Variants in COG2 observed in about 807,000 individuals in gnomAD.
COG2 encodes component of oligomeric golgi complex 2, also known as conserved oligomeric Golgi complex subunit 2.
COG2 carries 52 observed loss-of-function variants against 90.6 expected under a neutral mutation model. The observed-to-expected ratio is 0.57, with a 90% confidence interval of 0.46 to 0.72. COG2 has a LOEUF of 0.72. COG2 is among the 30% of genes least tolerant of loss of function. The pLI is 0.00. For missense variants in COG2, 829 were observed against 891.2 expected (o/e 0.93, Z 0.89); for synonymous variants, 337 against 320.4 (o/e 1.05, Z -0.55).
At chr1:230,653,330 C>T (rs1271464889) in intron 1 of COG2, among the ~76,000 whole-genome samples, 1 of 151,560 alleles carries the variant, frequency 6.6e-6, no homozygotes, top group Non-Finnish European at 1.5e-5. Flanking sequence ...AAGCAATTCT[C>T]ATGGCTCAGC....
At chr1:230,666,059 CTT>C (rs755795433) in intron 5 of COG2, among the ~76,000 whole-genome samples, 3 of 152,148 alleles carry the variant, frequency 2.0e-5, no homozygotes, top group East Asian at 3.9e-4. Flanking sequence ...ATGCTGATCT[CTT>C]TATCTGCAGA....
At chr1:230,690,280 G>A in intron 16 of COG2, 127 bp downstream of exon 16, 1 of 783,868 alleles carries the variant, frequency 1.3e-6, no homozygotes, top group Non-Finnish European at 2.0e-6. Context: ...CACTGGATTA[G>A]TCAGAGTGTG....
At chr1:230,682,102 T>C (rs1160560462) in intron 10 of COG2, 2 of 152,280 alleles carry the variant, frequency 1.3e-5, no homozygotes, top group Non-Finnish European at 2.9e-5. Context: ...TACTAGTCCA[T>C]TGAATATATC....
At chr1:230,662,516 T>C (rs1190290575) in intron 3 of COG2, among the ~76,000 whole-genome samples, 1 of 152,226 alleles carries the variant, frequency 6.6e-6, no homozygotes, top group Non-Finnish European at 1.5e-5. Context: ...TCTCCACTTA[T>C]GACCTCTCCT....
chr1:230,643,345 G>A (rs923389818), intron 1 of COG2, among the ~76,000 whole-genome samples: 1 of 152,224 alleles, frequency 6.6e-6, no homozygotes, highest in Non-Finnish European at 1.5e-5. Flanking sequence ...GCACAGCCTT[G>A]AAAATGGCCA....
At chr1:230,688,805 T>C (rs565438424) in intron 15 of COG2, among the ~76,000 whole-genome samples, 25 of 152,346 alleles carry the variant, frequency 1.6e-4, no homozygotes, top group Non-Finnish European at 2.8e-4. Context: ...AAGGATATAC[T>C]CAGTTTCCTT....
At chr1:230,677,285 T>C (rs1241716513) in intron 9 of COG2, among the ~76,000 whole-genome samples, 2 of 152,154 alleles carry the variant, frequency 1.3e-5, no homozygotes, top group African/African-American at 4.8e-5. Flanking sequence ...TTTCTAGAAG[T>C]CATATTTGTT....
intron 2 of COG2, 41 bp downstream of exon 2, chr1:230,659,666 T>C: frequency 6.3e-7 from 1 of 1,584,084 alleles, no homozygotes. Context: ...TACATACAAT[T>C]TCTTTCTCAC....
At chr1:230,677,563 A>G (rs1314699952) in intron 9 of COG2, among the ~76,000 whole-genome samples, 1 of 152,240 alleles carries the variant, frequency 6.6e-6, no homozygotes, top group African/African-American at 2.4e-5. Flanking sequence ...TTTAAATAAG[A>G]TAGCATAAGG....
intron 13 of COG2, 25 bp downstream of exon 13, chr1:230,687,157 C>G (rs2493147): frequency 6.3e-7 from 1 of 1,587,258 alleles, no homozygotes. Context: ...CAGAATAATT[C>G]CAGGTGCTTG....
chr1:230,680,705 T>C (rs954586633), intron 10 of COG2: 12 of 152,190 alleles, frequency 7.9e-5, no homozygotes, highest in African/African-American at 2.9e-4. Flanking sequence ...AAAAAACACG[T>C]TTGAGTTACG....
At chr1:230,666,944 A>G (rs1416627095) in intron 5 of COG2, among the ~76,000 whole-genome samples, 1 of 152,238 alleles carries the variant, frequency 6.6e-6, no homozygotes, top group Non-Finnish European at 1.5e-5. Context: ...CTGTGAGAGA[A>G]AGTACAAACA....
At chr1:230,646,343 C>G (rs963630545) in intron 1 of COG2, among the ~76,000 whole-genome samples, 1 of 152,170 alleles carries the variant, frequency 6.6e-6, no homozygotes, top group Non-Finnish European at 1.5e-5. Context: ...CTTCCCTGAC[C>G]TCAGTAGATC....
chr1:230,687,012 C>T lies in COG2; in HGVS notation c.1458C>T (p.Ser486=). ...TGGTAACTGGTAGCAAAGAACCTTC[C>T]ATCACCCAAGGAAACACTGAAGACC... ...KPLVTGSKEP[S]ITQGNTEDQG... The change falls in exon 13 of 18, where the codon TCC becomes TCT. Residue 486 remains serine (S), a synonymous_variant. Transcript: ENST00000366669. 3.1e-6 allele frequency: 5 copies of T among 1,610,360 alleles called. No individual in the cohort carries two copies. The highest frequency in any genetic ancestry group is 3.4e-6 in the Non-Finnish European group (4 of 1,177,720).
intron 1 of COG2, among the ~76,000 whole-genome samples, chr1:230,646,411 C>T (rs1427724798): frequency 1.3e-5 from 2 of 152,144 alleles, no homozygotes; most frequent in Non-Finnish European, 2.9e-5. Flanking sequence ...CTTTTGGCCT[C>T]TCTGGTCTCC....
chr1:230,682,025 A>C (rs543835128), intron 10 of COG2: 7 of 152,202 alleles, frequency 4.6e-5, no homozygotes, highest in Admixed American at 1.3e-4. Context: ...ATGTCTTTGG[A>C]TAGTACTAAA....
At chr1:230,653,417 C>T (rs749443899) in intron 1 of COG2, among the ~76,000 whole-genome samples, 8 of 151,970 alleles carry the variant, frequency 5.3e-5, no homozygotes, top group South Asian at 2.1e-4. Flanking sequence ...GATGGGGTTT[C>T]GCCGTGTTGG....
At chr1:230,688,191 A>G in intron 14 of COG2, 48 bp downstream of exon 14, 1 of 1,394,222 alleles carries the variant, frequency 7.2e-7, no homozygotes, top group Non-Finnish European at 9.9e-7. Context: ...GAAATGATTT[A>G]AAATAAAATC....
At chr1:230,657,553 C>G (rs1662086812) in intron 1 of COG2, among the ~76,000 whole-genome samples, 1 of 152,080 alleles carries the variant, frequency 6.6e-6, no homozygotes, top group Non-Finnish European at 1.5e-5. Context: ...CTTGGGGTTG[C>G]TCTTCTCGAG....
Sources: gnomAD v4.1 joint callset for allele counts (sites outside exome capture counted in the v4.1 genomes callset) on GRCh38, gnomAD v4.1.1 for gene constraint, MANE v1.5 for transcripts, NCBI Gene and HGNC (gene_info 2026-07-23, HGNC 2026-07-21) for gene names.